The following PDE7B variants were observed in gnomAD, a reference collection of about 807,000 sequenced individuals.
PDE7B encodes the protein phosphodiesterase 7B, also known as 3',5'-cyclic-AMP phosphodiesterase 7B.
PDE7B carries 29 observed loss-of-function variants against 56.2 expected under a neutral mutation model. The observed-to-expected ratio is 0.52, with a 90% CI of 0.38 to 0.70. The LOEUF (loss-of-function observed/expected upper bound fraction) is 0.70, where lower values mean the gene tolerates loss of function less well. Ranked by LOEUF, PDE7B falls within the 30% of genes least tolerant of loss-of-function variation. The probability of loss-of-function intolerance (pLI) is 0.00; values close to 1 mark genes in which losing one functional copy is unlikely to be tolerated. For synonymous variants in PDE7B, 197 were observed against 196.9 expected (o/e 1.00, Z 0.00); for missense variants, 490 against 565.0 (o/e 0.87, Z 1.35).
chr6:135,904,660 CAT>C (rs1320133670), intron 1 of PDE7B, among the ~76,000 whole-genome samples: 5 of 152,250 alleles, frequency 3.3e-5, no homozygotes, highest in East Asian at 3.9e-4. Context: ...ATAACTTTGA[CAT>C]GTGTAGGGAC....
intron 2 of PDE7B, among the ~76,000 whole-genome samples, chr6:136,025,660 A>G (rs1156957928): frequency 6.6e-6 from 1 of 152,178 alleles, no homozygotes; most frequent in Admixed American, 6.5e-5. Context: ...TTAGGTTTAC[A>G]TTGCCCTAGT....
At chr6:135,997,468 TCTATAGTAAAAAGA>T (rs1443835334) in intron 2 of PDE7B, among the ~76,000 whole-genome samples, 2 of 133,022 alleles carry the variant, frequency 1.5e-5, no homozygotes, top group Non-Finnish European at 3.1e-5. Context: ...GAAAGCAGTT[TCTATAGTAAAAAGA>T]ACTCATATGC....
intron 2 of PDE7B, among the ~76,000 whole-genome samples, chr6:135,952,093 G>A (rs1248261626): frequency 6.6e-6 from 1 of 152,092 alleles, no homozygotes; most frequent in Non-Finnish European, 1.5e-5. Context: ...AAAAACATCT[G>A]TCCTTCCTAG....
intron 3 of PDE7B, among the ~76,000 whole-genome samples, chr6:136,123,392 G>A (rs972724472): frequency 2.0e-5 from 3 of 152,078 alleles, no homozygotes; most frequent in African/African-American, 7.2e-5. Flanking sequence ...TATTCTTTTA[G>A]AGGAAATATT....
intron 1 of PDE7B, among the ~76,000 whole-genome samples, chr6:135,939,389 G>A (rs1327727965): frequency 2.0e-5 from 3 of 151,808 alleles, no homozygotes; most frequent in Non-Finnish European, 4.4e-5. Flanking sequence ...GGTTGTTGCT[G>A]GAGATCTGCA....
intron 2 of PDE7B, among the ~76,000 whole-genome samples, chr6:136,100,367 A>G (rs1777540737): frequency 1.3e-5 from 2 of 150,798 alleles, no homozygotes; most frequent in East Asian, 1.9e-4. Flanking sequence ...TTTGGGCAGT[A>G]TGGCCATTTT....
At chr6:136,181,203 T>C (rs376377545) in intron 10 of PDE7B, 24 bp from the exon 11 acceptor site, 7 of 1,572,020 alleles carry the variant, frequency 4.5e-6, no homozygotes, top group Middle Eastern at 1.7e-4. Flanking sequence ...TCTCACAATT[T>C]CTCCCCGCCC....
intron 2 of PDE7B, among the ~76,000 whole-genome samples, chr6:136,000,405 C>A (rs1048785198): frequency 9.2e-5 from 14 of 152,132 alleles, no homozygotes; most frequent in Non-Finnish European, 1.5e-4. Flanking sequence ...AGTCTTTCAT[C>A]CATATTGAGT....
At chr6:135,894,840 A>C (rs1036265525) in intron 1 of PDE7B, among the ~76,000 whole-genome samples, 1 of 152,134 alleles carries the variant, frequency 6.6e-6, no homozygotes, top group African/African-American at 2.4e-5. Flanking sequence ...GTTCAATCAT[A>C]ATTTCTACTC....
At chr6:136,173,909 A>C in intron 9 of PDE7B, 21 bp downstream of exon 9, 1 of 1,540,470 alleles carries the variant, frequency 6.5e-7, no homozygotes. Context: ...CCGAGATGAA[A>C]CATACTGATG....
At chr6:135,906,815 T>TTG (rs1554265668) in intron 1 of PDE7B, among the ~76,000 whole-genome samples, 1 of 141,990 alleles carries the variant, frequency 7.0e-6, no homozygotes, top group African/African-American at 2.7e-5. Flanking sequence ...GGTTTGTTTT[T>TTG]TTTTTTTTTT....
intron 9 of PDE7B, among the ~76,000 whole-genome samples, chr6:136,178,525 T>G (rs964562002): frequency 6.6e-6 from 1 of 152,242 alleles, no homozygotes; most frequent in South Asian, 2.1e-4. Flanking sequence ...TCCTGGCCTA[T>G]GTATTGTGTT....
chr6:136,194,176 G>C lies in PDE7B; in HGVS notation c.*2336G>C, dbSNP rs1779276061. 6.6e-6 allele frequency: 1 copy of C among 152,110 alleles called. No homozygotes were observed. Among genetic ancestry groups the C allele is most frequent in the South Asian group, 2.1e-4 (1 of 4,828 alleles). 9.4% of individuals were successfully genotyped at this position (152,110 alleles called of 1,614,324 possible). A position where few individuals can be genotyped will look rare whatever the true frequency, so the allele number is the denominator to read the frequency against. ...TGTATATGAGGTCAAATCAAGGAAG[G>C]CAATTGCTGGGGACAAGAAAAGTAG... On this transcript the variant is annotated 3_prime_UTR_variant, in exon 13 of 13. Coordinates refer to ENST00000308191, the MANE Select transcript of PDE7B (RefSeq NM_018945.4).
intron 1 of PDE7B, among the ~76,000 whole-genome samples, chr6:135,926,087 G>GGC (rs1774178908): frequency 3.9e-5 from 2 of 50,694 alleles, no homozygotes; most frequent in Non-Finnish European, 7.2e-5. Context: ...CTTTTTTTTG[G>GGC]GGGGGGGGGG....
intron 1 of PDE7B, among the ~76,000 whole-genome samples, chr6:135,899,611 G>C (rs954179913): frequency 2.0e-5 from 3 of 151,730 alleles, no homozygotes; most frequent in Admixed American, 2.0e-4. Flanking sequence ...ATACTCGTCT[G>C]TTTTCCATTG....
chr6:135,974,971 G>C (rs903279678), intron 2 of PDE7B, among the ~76,000 whole-genome samples: 9 of 152,040 alleles, frequency 5.9e-5, no homozygotes, highest in Admixed American at 5.2e-4. Context: ...GAGCCAAAAG[G>C]GTGAGGTGCA....
At chr6:135,869,256 C>T (rs1242188033) in intron 1 of PDE7B, among the ~76,000 whole-genome samples, 1 of 151,854 alleles carries the variant, frequency 6.6e-6, no homozygotes. Context: ...ATTAATCAGC[C>T]CCAAATTTTA....
At chr6:136,172,666 T>G (rs907861270) in intron 8 of PDE7B, among the ~76,000 whole-genome samples, 4 of 151,942 alleles carry the variant, frequency 2.6e-5, no homozygotes, top group South Asian at 2.1e-4. Context: ...ATTTTGGCTT[T>G]TGTTGCCATT....
chr6:135,953,845 C>T (rs573889398), intron 2 of PDE7B, among the ~76,000 whole-genome samples: 22 of 152,262 alleles, frequency 1.4e-4, no homozygotes, highest in South Asian at 6.2e-4. Context: ...GAAAGACAGA[C>T]GTTTTCAAGT....
Sources: allele counts gnomAD v4.1 joint callset (sites outside exome capture counted in the v4.1 genomes callset), GRCh38; gene constraint gnomAD v4.1.1; transcripts MANE v1.5; gene names NCBI Gene and HGNC (gene_info 2026-07-23, HGNC 2026-07-21).